CCSER1: variants seen among roughly 807,000 people sequenced by gnomAD.
The protein encoded by CCSER1 is serine-rich coiled-coil domain-containing protein 1.
Under a neutral mutation model 82.0 loss-of-function variants are expected in CCSER1, and 41 were observed. That is an observed-to-expected ratio of 0.50 (90% confidence interval 0.39 to 0.65). The LOEUF (loss-of-function observed/expected upper bound fraction) is 0.65, where lower values mean the gene tolerates loss of function less well. Among genes scored for constraint, CCSER1 ranks in the 30% least tolerant of loss-of-function variants. CCSER1 has a pLI of 0.00. For synonymous variants in CCSER1, 414 were observed against 383.9 expected (o/e 1.08, Z -0.92); for missense variants, 1,119 against 1,064.2 (o/e 1.05, Z -0.72).
At chr4:91,088,806 CAT>C (rs1723643745) in intron 10 of CCSER1, among the ~76,000 whole-genome samples, 1 of 151,978 alleles carries the variant, frequency 6.6e-6, no homozygotes, top group Non-Finnish European at 1.5e-5. Context: ...TTTTGCAACT[CAT>C]AGAAAAACCT....
rs1046259254 is a variant in CCSER1 at position 90,129,916 on chromosome 4, A to G, written c.-42+2085A>G. On this transcript the variant is annotated intron_variant, in intron 1 of 10. Coordinates refer to ENST00000509176, the MANE Select transcript of CCSER1 (RefSeq NM_001145065.2). ...TATCCCAAACTATTTGAACATAGAT[A>G]TAATAGGGAATTAAAAAATGTAATT... Among the ~76,000 whole-genome samples the G allele has an allele frequency of 7.2e-5, 11 of 152,366 alleles. No homozygotes were observed. The East Asian group carries it at 2.1e-3, about 29-fold the overall frequency.
chr4:91,434,446 ACAG>A (rs1754523281), intron 10 of CCSER1, among the ~76,000 whole-genome samples: 1 of 152,220 alleles, frequency 6.6e-6, no homozygotes, highest in Non-Finnish European at 1.5e-5. Context: ...ATTATTTAGA[ACAG>A]CAGAAGCCTA....
intron 10 of CCSER1, among the ~76,000 whole-genome samples, chr4:91,287,203 A>C (rs1480626816): frequency 6.6e-6 from 1 of 151,922 alleles, no homozygotes; most frequent in Non-Finnish European, 1.5e-5. Flanking sequence ...AATTCAAGAA[A>C]AAAGTCAGGA....
chr4:91,091,081 C>A (rs1333355565), intron 10 of CCSER1, among the ~76,000 whole-genome samples: 1 of 152,168 alleles, frequency 6.6e-6, no homozygotes, highest in Non-Finnish European at 1.5e-5. Context: ...CACAATCCTA[C>A]AGATGTACTT....
At chr4:90,828,058 G>C (rs907858266) in intron 8 of CCSER1, among the ~76,000 whole-genome samples, 1 of 152,154 alleles carries the variant, frequency 6.6e-6, no homozygotes, top group Non-Finnish European at 1.5e-5. Flanking sequence ...CCTCTCCTGT[G>C]ATAAGAGTTA....
intron 10 of CCSER1, among the ~76,000 whole-genome samples, chr4:91,105,423 A>G (rs1279333235): frequency 1.3e-5 from 2 of 150,460 alleles, no homozygotes; most frequent in East Asian, 3.9e-4. Flanking sequence ...AAAAAAAAAT[A>G]GGCCAGGCAC....
intron 1 of CCSER1, among the ~76,000 whole-genome samples, chr4:90,273,840 A>T (rs1727050457): frequency 6.6e-6 from 1 of 152,166 alleles, no homozygotes; most frequent in African/African-American, 2.4e-5. Flanking sequence ...AGGAAGGGAA[A>T]GAAGCACCTG....
At chr4:90,722,508 G>A (rs949577304) in intron 6 of CCSER1, among the ~76,000 whole-genome samples, 9 of 151,608 alleles carry the variant, frequency 5.9e-5, no homozygotes, top group African/African-American at 2.2e-4. Flanking sequence ...AATATTTCCT[G>A]GATTGATCAA....
chr4:91,462,718 G>T (rs1283830594), intron 10 of CCSER1, among the ~76,000 whole-genome samples: 1 of 152,196 alleles, frequency 6.6e-6, no homozygotes. Context: ...TATATCTTGT[G>T]CCTGGCTCGG....
intron 8 of CCSER1, among the ~76,000 whole-genome samples, chr4:90,847,538 T>G (rs1056811892): frequency 6.6e-6 from 1 of 152,192 alleles, no homozygotes; most frequent in South Asian, 2.1e-4. Context: ...ATCTTTTACA[T>G]TAAAATCTTT....
chr4:90,911,613 G>A (rs1421406978), intron 8 of CCSER1, among the ~76,000 whole-genome samples: 2 of 152,142 alleles, frequency 1.3e-5, no homozygotes, highest in East Asian at 1.9e-4. Flanking sequence ...ATCTCACTGG[G>A]GATTGTCAGA....
intron 10 of CCSER1, among the ~76,000 whole-genome samples, chr4:91,172,078 T>G (rs1193855389): frequency 6.6e-6 from 1 of 152,044 alleles, no homozygotes; most frequent in Non-Finnish European, 1.5e-5. Context: ...AAAAGCCCAT[T>G]GATATAAATG....
At chr4:90,603,035 T>C (rs1407003563) in intron 5 of CCSER1, among the ~76,000 whole-genome samples, 1 of 152,200 alleles carries the variant, frequency 6.6e-6, no homozygotes, top group Non-Finnish European at 1.5e-5. Flanking sequence ...GACAAAGCTG[T>C]CAATGCCCTT....
In CCSER1 at chr4:90,551,299, G is replaced by T. The variant is rs566622094; in HGVS notation, c.1725-76726G>T. ...TCACATGTTTTATAAAAGCCAGTAAGATCTGGTACCTGCTTTTTACTCATG... is the reference window on the plus strand; with the variant it reads ...TCACATGTTTTATAAAAGCCAGTAATATCTGGTACCTGCTTTTTACTCATG... On this transcript the variant is annotated intron_variant, in intron 5 of 10. Transcript: ENST00000509176. 2.6e-5 allele frequency among the ~76,000 whole-genome samples: 4 copies of T among 152,206 alleles called. No homozygotes were observed. In the South Asian group the frequency reaches 8.3e-4, roughly 32 times the overall value.
At chr4:91,126,633 G>A (rs1307242195) in intron 10 of CCSER1, among the ~76,000 whole-genome samples, 1 of 151,936 alleles carries the variant, frequency 6.6e-6, no homozygotes, top group Non-Finnish European at 1.5e-5. Context: ...TAGAATGGCA[G>A]CATATAAATT....
chr4:91,137,874 AC>A, intron 10 of CCSER1, among the ~76,000 whole-genome samples: 1 of 138,404 alleles, frequency 7.2e-6, no homozygotes, highest in South Asian at 2.4e-4. Flanking sequence ...AATCCAACTT[AC>A]AAGGGATGTG....
At chr4:91,510,178 G>C (rs558874168) in intron 10 of CCSER1, among the ~76,000 whole-genome samples, 26 of 152,116 alleles carry the variant, frequency 1.7e-4, no homozygotes, top group Non-Finnish European at 2.9e-4. Flanking sequence ...TTGCTGCAAA[G>C]GATACAATTT....
chr4:90,912,006 C>T (rs1432308228), intron 8 of CCSER1, among the ~76,000 whole-genome samples: 12 of 152,180 alleles, frequency 7.9e-5, no homozygotes, highest in East Asian at 1.9e-4. Context: ...TGGAGCCCAC[C>T]GCAGCTCAAG....
intron 9 of CCSER1, among the ~76,000 whole-genome samples, chr4:91,070,051 C>T (rs1721266082): frequency 6.6e-6 from 1 of 150,954 alleles, no homozygotes; most frequent in Non-Finnish European, 1.5e-5. Context: ...GTGGTGCCAT[C>T]TCAGCTCACT....
Sources: allele counts gnomAD v4.1 joint callset (sites outside exome capture counted in the v4.1 genomes callset), GRCh38; gene constraint gnomAD v4.1.1; transcripts MANE v1.5; gene names NCBI Gene and HGNC (gene_info 2026-07-23, HGNC 2026-07-21).